SH3PXD2A: variants seen among roughly 807,000 people sequenced by gnomAD.
SH3PXD2A encodes the protein SH3 and PX domain-containing protein 2A.
Under a neutral mutation model 115.2 loss-of-function variants are expected in SH3PXD2A, and 32 were observed. The observed-to-expected ratio is 0.28, with a 90% CI of 0.21 to 0.37. The LOEUF (loss-of-function observed/expected upper bound fraction) is 0.37, where lower values mean the gene tolerates loss of function less well. Among genes scored for constraint, SH3PXD2A ranks in the 10% least tolerant of loss-of-function variants. SH3PXD2A has a pLI of 1.00. For missense variants in SH3PXD2A, 1,328 were observed against 1,498.7 expected (o/e 0.89, Z 1.88); for synonymous variants, 610 against 629.1 (o/e 0.97, Z 0.45).
chr10:103,752,886 A>G (rs2038594841), intron 3 of SH3PXD2A, among the ~76,000 whole-genome samples: 1 of 152,230 alleles, frequency 6.6e-6, no homozygotes, highest in Non-Finnish European at 1.5e-5. Context: ...CAATTCCAGC[A>G]TCTGCCACTA....
chr10:103,724,413 G>A (rs2038217132), intron 4 of SH3PXD2A, 52 bp from the exon 5 acceptor site: 1 of 1,090,240 alleles, frequency 9.2e-7, no homozygotes, highest in Non-Finnish European at 1.3e-6. Flanking sequence ...TTGGGAACAG[G>A]AAAACCAAGA....
intron 4 of SH3PXD2A, among the ~76,000 whole-genome samples, chr10:103,728,999 T>G (rs974437047): frequency 2.0e-5 from 3 of 151,504 alleles, no homozygotes; most frequent in Non-Finnish European, 4.4e-5. Context: ...GTTCAAGCGA[T>G]TCTCCTGTCT....
intron 6 of SH3PXD2A, among the ~76,000 whole-genome samples, chr10:103,669,231 C>T (rs1316137085): frequency 6.6e-6 from 1 of 152,158 alleles, no homozygotes; most frequent in Non-Finnish European, 1.5e-5. Context: ...GAGGGAGCAT[C>T]GTTTTAGGGA....
intron 7 of SH3PXD2A, chr10:103,661,615 T>C: frequency 2.1e-5 from 20 of 974,286 alleles, no homozygotes; most frequent in Non-Finnish European, 2.4e-5. Flanking sequence ...GGCTCCAGCC[T>C]CTGCCCCCAA....
At chr10:103,718,491 G>C (rs1297261761) in intron 5 of SH3PXD2A, among the ~76,000 whole-genome samples, 1 of 136,614 alleles carries the variant, frequency 7.3e-6, no homozygotes, top group Non-Finnish European at 1.6e-5. Flanking sequence ...AGGGCTGGGG[G>C]CTGGGGGGCT....
At chr10:103,847,881 G>A (rs1367260316) in intron 1 of SH3PXD2A, among the ~76,000 whole-genome samples, 1 of 152,022 alleles carries the variant, frequency 6.6e-6, no homozygotes, top group Non-Finnish European at 1.5e-5. Context: ...GGAGGCTGCA[G>A]TGAACCGAGA....
intron 5 of SH3PXD2A, among the ~76,000 whole-genome samples, chr10:103,720,230 T>C (rs1253849366): frequency 3.3e-5 from 5 of 152,214 alleles, no homozygotes; most frequent in Non-Finnish European, 5.9e-5. Context: ...GCCTCTTTCA[T>C]AAGGGCGCAA....
intron 3 of SH3PXD2A, among the ~76,000 whole-genome samples, chr10:103,742,651 G>C: frequency 6.6e-6 from 1 of 152,182 alleles, no homozygotes; most frequent in East Asian, 1.9e-4. Flanking sequence ...CCAAGGACAG[G>C]GGTGGTTTCT....
intron 2 of SH3PXD2A, among the ~76,000 whole-genome samples, chr10:103,770,007 G>C (rs1041316398): frequency 6.6e-6 from 1 of 151,922 alleles, no homozygotes; most frequent in Non-Finnish European, 1.5e-5. Flanking sequence ...ATTCATGTTC[G>C]CTAAGGGAAA....
chr10:103,822,956 G>A (rs749847209), intron 1 of SH3PXD2A, among the ~76,000 whole-genome samples: 9 of 152,212 alleles, frequency 5.9e-5, no homozygotes, highest in Non-Finnish European at 1.2e-4. Flanking sequence ...TCAGATAGGT[G>A]CTGAAGTTAT....
chr10:103,720,873 G>A (rs1160309448), intron 5 of SH3PXD2A, among the ~76,000 whole-genome samples: 2 of 152,242 alleles, frequency 1.3e-5, no homozygotes, highest in Non-Finnish European at 2.9e-5. Context: ...GGTGGGTCCT[G>A]GAGGCGGAGC....
At chr10:103,615,483 G>GGTGTGTGTGTGTGT (rs57711259) in intron 11 of SH3PXD2A, among the ~76,000 whole-genome samples, 4,030 of 128,256 alleles carry the variant, frequency 0.031, 176 homozygotes, top group South Asian at 0.038. Flanking sequence ...AGAGTGCGAG[G>GGTGTGTGTGTGTGT]GTGTGTGTGT....
At chr10:103,614,464 A>G (rs2036478084) in intron 11 of SH3PXD2A, among the ~76,000 whole-genome samples, 1 of 152,242 alleles carries the variant, frequency 6.6e-6, no homozygotes, top group South Asian at 2.1e-4. Context: ...AAACCAAAGC[A>G]AAACAAAAAC....
chr10:103,767,702 G>GCCTGC (rs1345964511), intron 2 of SH3PXD2A, among the ~76,000 whole-genome samples: 1 of 151,330 alleles, frequency 6.6e-6, no homozygotes, highest in African/African-American at 2.5e-5. Flanking sequence ...CCCTGCTGCC[G>GCCTGC]GAAGACCATT....
rs543276007 is a variant in SH3PXD2A at position 103,734,618 on chromosome 10, G to A, written c.306+1114C>T. On this transcript the variant is annotated intron_variant, in intron 4 of 14. Transcript: ENST00000369774. ...ACAAAAATTAGCCAGGCATGGTGGCGCACTCCTATAATCCCAGTTACTCGG... is the reference window on the plus strand; with the variant it reads ...ACAAAAATTAGCCAGGCATGGTGGCACACTCCTATAATCCCAGTTACTCGG... Among the ~76,000 whole-genome samples the A allele has an allele frequency of 6.6e-5, 10 of 152,224 alleles. No individual in the cohort carries two copies. The South Asian group carries it at 1.9e-3, about 28-fold the overall frequency.
chr10:103,616,045 T>G (rs1225284214), intron 11 of SH3PXD2A, among the ~76,000 whole-genome samples: 14 of 16,208 alleles, frequency 8.6e-4, no homozygotes, highest in African/African-American at 2.0e-3. Context: ...GGGGGCGGGG[T>G]AGGGGCGGGG....
At chr10:103,663,803 C>A (rs77705594) in intron 7 of SH3PXD2A, among the ~76,000 whole-genome samples, 19,695 of 152,312 alleles carry the variant, frequency 0.13, 1,574 homozygotes, top group South Asian at 0.26. Flanking sequence ...TGCCCCCCGG[C>A]AGTTTTCTCC....
intron 8 of SH3PXD2A, among the ~76,000 whole-genome samples, chr10:103,647,840 C>T (rs912442023): frequency 2.6e-5 from 4 of 152,152 alleles, no homozygotes; most frequent in African/African-American, 9.7e-5. Flanking sequence ...TCCGGAGCAG[C>T]GTCGTTCATG....
In SH3PXD2A at chr10:103,841,896, G is replaced by A. The variant is rs1416868403; in HGVS notation, c.72+13299C>T. The stretch of plus-strand genomic sequence containing the variant: ...TCCCAGCACTCTGGGAGGCCGAGAC[G>A]GGTGGATCACGAGGTCAGGAGATCA... On this transcript the variant is annotated intron_variant, in intron 1 of 14. Coordinates refer to ENST00000369774, the MANE Select transcript of SH3PXD2A (RefSeq NM_001394015.1). Among the ~76,000 whole-genome samples, 5 of 152,096 alleles carry A rather than the reference G, an allele frequency of 3.3e-5. 1 individual carries two copies. The highest frequency in any genetic ancestry group is 3.9e-4 in the East Asian group (2 of 5,182).
Sources: gnomAD v4.1 joint callset for allele counts (sites outside exome capture counted in the v4.1 genomes callset) on GRCh38, gnomAD v4.1.1 for gene constraint, MANE v1.5 for transcripts, NCBI Gene and HGNC (gene_info 2026-07-23, HGNC 2026-07-21) for gene names.